KLHL1: variants seen among roughly 807,000 people sequenced by gnomAD.
KLHL1 encodes kelch like family member 1, also known as kelch-like protein 1.
Under a neutral mutation model 77.7 loss-of-function variants are expected in KLHL1, and 47 were observed. The ratio of observed to expected loss-of-function variants is 0.60; its 90% CI spans 0.48 to 0.77. The LOEUF is 0.77. Ranked by LOEUF, KLHL1 falls within the 30% of genes least tolerant of loss-of-function variation. KLHL1 has a pLI of 0.00. For synonymous variants in KLHL1, 360 were observed against 325.2 expected, an observed-to-expected ratio of 1.11 and a Z score of -1.15; for missense variants, 925 against 910.8, an observed-to-expected ratio of 1.02 and a Z score of -0.20.
intron 7 of KLHL1, among the ~76,000 whole-genome samples, chr13:69,789,981 A>ATCTT (rs1302627210): frequency 6.6e-6 from 1 of 152,082 alleles, no homozygotes; most frequent in Non-Finnish European, 1.5e-5. Flanking sequence ...CCATAGAAAC[A>ATCTT]TCTTTGTCCT....
At chr13:69,728,126 T>C (rs1873382864) in intron 8 of KLHL1, among the ~76,000 whole-genome samples, 1 of 150,776 alleles carries the variant, frequency 6.6e-6, no homozygotes, top group East Asian at 1.9e-4. Context: ...TAAACAGCAA[T>C]TTCTTTTTTT....
intron 6 of KLHL1, among the ~76,000 whole-genome samples, chr13:69,819,353 G>A (rs1044699383): frequency 1.9e-4 from 29 of 152,106 alleles, no homozygotes; most frequent in African/African-American, 6.0e-4. Flanking sequence ...TTAAAAGACT[G>A]TAATACACTC....
intron 1 of KLHL1, among the ~76,000 whole-genome samples, chr13:70,042,302 T>A (rs1886395751): frequency 6.6e-6 from 1 of 152,186 alleles, no homozygotes; most frequent in African/African-American, 2.4e-5. Context: ...TGCGTGCTTG[T>A]GTGGGTGTGT....
At chr13:69,780,747 T>TATATATATACATATATATATAC (rs1555267699) in intron 7 of KLHL1, among the ~76,000 whole-genome samples, 3 of 95,670 alleles carry the variant, frequency 3.1e-5, no homozygotes, top group African/African-American at 8.8e-5. Context: ...TATATATACA[T>TATATATATACATATATATATAC]ATATATATAT....
chr13:69,716,774 T>G (rs1566355999), intron 9 of KLHL1, among the ~76,000 whole-genome samples: 2 of 152,184 alleles, frequency 1.3e-5, no homozygotes, highest in Non-Finnish European at 2.9e-5. Flanking sequence ...CTCTTTCTTC[T>G]AATACTGTAA....
rs1190188111 is a variant in KLHL1 at position 70,107,648 on chromosome 13, G to A, written c.52C>T (p.Arg18Cys). The A allele has an allele frequency of 1.3e-6, 2 of 1,551,772 alleles. No homozygotes were observed. Among genetic ancestry groups the A allele is most frequent in the South Asian group, 1.3e-5 (1 of 79,644 alleles). ...DFDVKHILRL[R>C]WKLFSHPSPS... Reference sequence around the variant, plus strand: ...GACGGGTGGCTGAAGAGTTTCCAGCGGAGTCGCAGAATGTGCTTCACATCG... The same window carrying A: ...GACGGGTGGCTGAAGAGTTTCCAGCAGAGTCGCAGAATGTGCTTCACATCG... Residue 18 changes from arginine to cysteine, a missense_variant, in exon 1 of 11, where the codon CGC becomes TGC. Arg to Cys is a radical substitution (Grantham distance 180). Coordinates refer to ENST00000377844, the MANE Select transcript of KLHL1 (RefSeq NM_020866.3).
intron 1 of KLHL1, among the ~76,000 whole-genome samples, chr13:70,028,933 C>T (rs537253525): frequency 7.3e-5 from 11 of 150,982 alleles, no homozygotes; most frequent in East Asian, 2.0e-4. Context: ...GCTGTGATTG[C>T]GCCACTGCAC....
chr13:70,057,469 C>CAAAAAAAAAAAAAAAAAA (rs56235725), intron 1 of KLHL1, among the ~76,000 whole-genome samples: 1 of 87,110 alleles, frequency 1.1e-5, no homozygotes, highest in African/African-American at 4.6e-5. Context: ...AAAGACACAT[C>CAAAAAAAAAAAAAAAAAA]AAAAAAAAAA....
chr13:69,804,688 G>A (rs982868687), intron 6 of KLHL1, among the ~76,000 whole-genome samples: 3 of 151,994 alleles, frequency 2.0e-5, no homozygotes, highest in Admixed American at 6.6e-5. Context: ...AGAATGCATC[G>A]ACTTAAATAG....
In KLHL1 at chr13:69,707,911, C is replaced by G. The variant is rs899342579; in HGVS notation, c.2016-115G>C. ...AAAAGGAAACTACCTTTTTTTTTCTCTAAAGGCTCAATCATTTGAGCAGGT... is the reference window on the plus strand; with the variant it reads ...AAAAGGAAACTACCTTTTTTTTTCTGTAAAGGCTCAATCATTTGAGCAGGT... On this transcript the variant is annotated intron_variant, in intron 9 of 10. Coordinates refer to ENST00000377844, the MANE Select transcript of KLHL1 (RefSeq NM_020866.3). 3.1e-5 allele frequency: 23 copies of G among 743,374 alleles called. No individual in the cohort carries two copies. In the African/African-American group the frequency reaches 3.7e-4, roughly 12 times the overall value. 46.0% of individuals were successfully genotyped at this position (743,374 alleles called of 1,614,324 possible).
intron 1 of KLHL1, among the ~76,000 whole-genome samples, chr13:70,088,893 T>C (rs2137439368): frequency 6.6e-6 from 1 of 152,310 alleles, no homozygotes; most frequent in South Asian, 2.1e-4. Flanking sequence ...GTATTTTTTA[T>C]TTGGGAAAAC....
Position 70,078,325 on chromosome 13 carries a change from T to C in KLHL1, c.497+28878A>G, listed in dbSNP as rs112669113. 8.9e-3 allele frequency among the ~76,000 whole-genome samples: 1,361 copies of C among 152,180 alleles called. 15 individuals are homozygous for C. Among genetic ancestry groups the C allele is most frequent in the African/African-American group, 0.03 (1,258 of 41,548 alleles). ...TAAAAAGGTCATATTAAATAGAATT[T>C]TCATCCACAAAAATAAGGTATTTTG... On this transcript the variant is annotated intron_variant, in intron 1 of 10. Transcript: ENST00000377844.
chr13:70,107,517 C>T lies in KLHL1; in HGVS notation c.183G>A (p.Glu61=). The T allele has an allele frequency of 6.2e-7, 1 of 1,612,850 alleles. No individual in the cohort carries two copies. Residue 61 remains glutamate (E), a synonymous_variant, in exon 1 of 11, where the codon GAG becomes GAA. Transcript: ENST00000377844. ...TCCAGAAAGTGCTCACACCGCTTCT[C>T]TCTTGGCTTTTGAGCAGGCGACTCT... ...PSQSRLLKSQ[E]RSGVSTFWKK... is the part of the protein sequence containing the mutation.
chr13:70,081,399 T>C (rs1887387297), intron 1 of KLHL1, among the ~76,000 whole-genome samples: 1 of 152,212 alleles, frequency 6.6e-6, no homozygotes, highest in Non-Finnish European at 1.5e-5. Context: ...GGTCCACTGC[T>C]TTTTCATCTA....
intron 1 of KLHL1, among the ~76,000 whole-genome samples, chr13:70,028,084 A>G (rs1886001842): frequency 6.6e-6 from 1 of 152,180 alleles, no homozygotes; most frequent in Non-Finnish European, 1.5e-5. Context: ...AGAAAAATAA[A>G]TTGCTCTTTG....
intron 9 of KLHL1, among the ~76,000 whole-genome samples, chr13:69,712,799 A>G (rs979184363): frequency 1.2e-5 from 1 of 84,244 alleles, no homozygotes. Flanking sequence ...TTGTTTGCTT[A>G]TTTGTTTTTG....
At chr13:69,799,090 A>G (rs1300679824) in intron 6 of KLHL1, among the ~76,000 whole-genome samples, 1 of 128,648 alleles carries the variant, frequency 7.8e-6, no homozygotes, top group Admixed American at 7.1e-5. Flanking sequence ...TCAGTTGCAT[A>G]AAGAAAAAAA....
intron 3 of KLHL1, among the ~76,000 whole-genome samples, chr13:69,946,422 A>G (rs1883526961): frequency 6.6e-6 from 1 of 152,180 alleles, no homozygotes; most frequent in Non-Finnish European, 1.5e-5. Context: ...AGATAGAAAC[A>G]TTTTCTGAGT....
At chr13:69,935,574 C>T (rs918731458) in intron 4 of KLHL1, among the ~76,000 whole-genome samples, 3 of 152,056 alleles carry the variant, frequency 2.0e-5, no homozygotes, top group African/African-American at 7.2e-5. Flanking sequence ...GTAGAAGTAA[C>T]ATTTGACAAA....
Sources: allele counts gnomAD v4.1 joint callset (sites outside exome capture counted in the v4.1 genomes callset), GRCh38; gene constraint gnomAD v4.1.1; transcripts MANE v1.5; gene names NCBI Gene and HGNC (gene_info 2026-07-23, HGNC 2026-07-21).